Variants in PPP1R36 observed in about 807,000 individuals in gnomAD.
PPP1R36 encodes protein phosphatase 1 regulatory subunit 36, also known as chromosome 14 open reading frame 50.
Under a neutral mutation model 53.4 loss-of-function variants are expected in PPP1R36, and 47 were observed. The observed-to-expected ratio is 0.88, with a 90% CI of 0.70 to 1.12. PPP1R36 has a LOEUF of 1.12. PPP1R36 is among the 50% of genes most tolerant of loss of function. The probability of loss-of-function intolerance (pLI) is 0.00; values close to 1 mark genes in which losing one functional copy is unlikely to be tolerated. For missense variants in PPP1R36, 456 were observed against 513.9 expected (o/e 0.89, Z 1.09); for synonymous variants, 153 against 170.5 (o/e 0.90, Z 0.80).
rs2080083861 is a variant in PPP1R36 at position 64,550,249 on chromosome 14, G to A, written c.69+183G>A. On this transcript the variant is annotated intron_variant, in intron 1 of 11. Coordinates refer to ENST00000298705, the MANE Select transcript of PPP1R36 (RefSeq NM_172365.3). ...AAAAAAAAAAAACTCTGGTGTATTTGACAGATGGTCAGAATTGAATTCTGG... is the reference window on the plus strand; with the variant it reads ...AAAAAAAAAAAACTCTGGTGTATTTAACAGATGGTCAGAATTGAATTCTGG... The A allele has an allele frequency of 3.6e-6, 5 of 1,389,724 alleles. No homozygotes were observed. In the Admixed American group the frequency reaches 1.2e-4, roughly 34 times the overall value. The allele number at this position is 1,389,724 out of a possible 1,614,324, so 86.1% of individuals were successfully genotyped here.
chr14:64,550,556 T>C (rs1466845580), intron 1 of PPP1R36, among the ~76,000 whole-genome samples: 2 of 152,226 alleles, frequency 1.3e-5, no homozygotes, highest in Non-Finnish European at 2.9e-5. Flanking sequence ...TAGATTGCTA[T>C]GATGAGCTAT....
At chr14:64,568,311 C>T in intron 6 of PPP1R36, 38 bp from the exon 7 acceptor site, 1 of 849,684 alleles carries the variant, frequency 1.2e-6, no homozygotes, top group South Asian at 1.7e-5. Context: ...AATAGGTTAG[C>T]ATTGACTCTT....
At position 64,589,323 on chromosome 14, in the gene PPP1R36, A is replaced by G. The variant is rs755702423; in HGVS notation, c.1254A>G (p.Thr418=). ...TCATGAAAACACTGTCCTCTCATAC[A>G]TCATGCCCTAAGTAACCTGGTACAT... ...DLVMKTLSSH[T]SCPK The change falls in exon 12 of 12, where the codon ACA becomes ACG. Residue 418 remains threonine, a synonymous_variant. Coordinates refer to ENST00000298705, the MANE Select transcript of PPP1R36 (RefSeq NM_172365.3). 1.2e-6 allele frequency: 2 copies of G among 1,611,686 alleles called. No homozygotes were observed. The highest frequency in any genetic ancestry group is 3.3e-5 in the Admixed American group (2 of 59,874).
At chr14:64,561,188 A>G (rs908439590) in intron 3 of PPP1R36, among the ~76,000 whole-genome samples, 1 of 152,190 alleles carries the variant, frequency 6.6e-6, no homozygotes, top group East Asian at 1.9e-4. Context: ...CAACTTTTAT[A>G]CCCACTAGCC....
rs749367796 is a variant in PPP1R36, at chr14:64,565,360, G to A, written c.273G>A (p.Leu91=). ...AAACTGTTATATTCCAAAACAGGTT[G>A]ACAGATAAAAGACTTGCTGCAAAAG... ...AETDGPASDR[L]TDKRLAAKDD... The change falls in exon 5 of 12, where the codon TTG becomes TTA. Residue 91 remains leucine (L), a synonymous_variant. Coordinates refer to ENST00000298705, the MANE Select transcript of PPP1R36 (RefSeq NM_172365.3). The A allele has an allele frequency of 6.2e-7, 1 of 1,609,908 alleles. No homozygotes were observed. Among genetic ancestry groups the A allele is most frequent in the South Asian group, 1.1e-5 (1 of 90,606 alleles).
intron 7 of PPP1R36, among the ~76,000 whole-genome samples, chr14:64,572,007 A>T (rs553588263): frequency 6.6e-6 from 1 of 152,176 alleles, no homozygotes; most frequent in African/African-American, 2.4e-5. Context: ...TGGGAGCTAC[A>T]ATTTAAGATG....
At chr14:64,553,031 G>A in intron 3 of PPP1R36, 170 bp downstream of exon 3, 2 of 546,920 alleles carry the variant, frequency 3.7e-6, no homozygotes, top group South Asian at 4.5e-5. Flanking sequence ...GTGGACAGTG[G>A]CATGATCTTG....
At chr14:64,558,824 C>T (rs990845083) in intron 3 of PPP1R36, among the ~76,000 whole-genome samples, 6 of 151,826 alleles carry the variant, frequency 4.0e-5, no homozygotes, top group East Asian at 1.9e-4. Flanking sequence ...TTAGTACAGA[C>T]GGGTTTTCAC....
chr14:64,552,617 G>C, intron 2 of PPP1R36, 197 bp from the exon 3 acceptor site: 1 of 524,312 alleles, frequency 1.9e-6, no homozygotes, highest in South Asian at 2.2e-5. Context: ...TGGCTAAGCA[G>C]ACATACATAG....
At chr14:64,571,392 G>C (rs1414021263) in intron 7 of PPP1R36, among the ~76,000 whole-genome samples, 1 of 152,100 alleles carries the variant, frequency 6.6e-6, no homozygotes, top group Non-Finnish European at 1.5e-5. Flanking sequence ...CTCCCAAAGT[G>C]CTGGGATTAT....
chr14:64,580,208 G>A (rs529417772), intron 8 of PPP1R36, among the ~76,000 whole-genome samples: 3 of 152,242 alleles, frequency 2.0e-5, no homozygotes, highest in African/African-American at 7.2e-5. Context: ...GGCTGAGGTG[G>A]GAGAACTGCT....
rs1386903845 is a variant in PPP1R36, at chr14:64,553,834, A to AC, written c.182+973_182+974insC. 1.3e-4 allele frequency among the ~76,000 whole-genome samples: 20 copies of AC among 150,914 alleles called. 1 individual carries two copies. Among genetic ancestry groups the AC allele is most frequent in the Admixed American group, 1.3e-3 (19 of 15,196 alleles). ...GTGTAAGTTATAACTAAAAAAAAAA[A>AC]AAAAAAACAACAACTCCAAACCCCG... On this transcript the variant is annotated intron_variant, in intron 3 of 11. Coordinates refer to ENST00000298705, the MANE Select transcript of PPP1R36 (RefSeq NM_172365.3).
chr14:64,564,020 A>T (rs1047485813), intron 3 of PPP1R36, among the ~76,000 whole-genome samples: 1 of 152,212 alleles, frequency 6.6e-6, no homozygotes, highest in Non-Finnish European at 1.5e-5. Context: ...GCAATTCCTA[A>T]CACATAGCAG....
At chr14:64,556,303 A>T (rs546729226) in intron 3 of PPP1R36, among the ~76,000 whole-genome samples, 8 of 151,804 alleles carry the variant, frequency 5.3e-5, no homozygotes, top group Admixed American at 1.3e-4. Flanking sequence ...GGGTTTTACC[A>T]TGTTGCCCAG....
chr14:64,566,684 GC>G (rs1383050336), intron 6 of PPP1R36, among the ~76,000 whole-genome samples: 1 of 152,152 alleles, frequency 6.6e-6, no homozygotes, highest in Admixed American at 6.5e-5. Flanking sequence ...AGAGTTGGGT[GC>G]CCGATGCCAT....
chr14:64,561,818 G>GCAGTCT, intron 3 of PPP1R36: 1 of 455,928 alleles, frequency 2.2e-6, no homozygotes, highest in South Asian at 1.5e-5. Flanking sequence ...CAGAGAACCA[G>GCAGTCT]CAGTCTGCCT....
intron 3 of PPP1R36, among the ~76,000 whole-genome samples, chr14:64,562,405 G>A (rs564660595): frequency 6.6e-6 from 1 of 152,174 alleles, no homozygotes; most frequent in African/African-American, 2.4e-5. Context: ...AGGTTGCAGT[G>A]AGCTGAGATC....
intron 7 of PPP1R36, among the ~76,000 whole-genome samples, chr14:64,574,159 G>T (rs1006614911): frequency 1.3e-4 from 20 of 152,094 alleles, no homozygotes; most frequent in African/African-American, 4.8e-4. Context: ...AGGATCACTT[G>T]AGTCCAGGAG....
chr14:64,552,629 T>TA, intron 2 of PPP1R36, 185 bp from the exon 3 acceptor site: 1 of 550,278 alleles, frequency 1.8e-6, no homozygotes, highest in East Asian at 3.2e-5. Context: ...CATACATAGT[T>TA]ACACTAGATG....
Sources: gnomAD v4.1 joint callset for allele counts (sites outside exome capture counted in the v4.1 genomes callset) on GRCh38, gnomAD v4.1.1 for gene constraint, MANE v1.5 for transcripts, NCBI Gene and HGNC (gene_info 2026-07-23, HGNC 2026-07-21) for gene names.